TAOK1: variants seen among roughly 807,000 people sequenced by gnomAD.
TAOK1 encodes the protein serine/threonine-protein kinase TAO1.
Under a neutral mutation model 138.3 loss-of-function variants are expected in TAOK1, and 21 were observed. That is an observed-to-expected ratio of 0.15 (90% CI 0.11 to 0.22). The LOEUF (loss-of-function observed/expected upper bound fraction) is 0.22. TAOK1 is among the 10% of genes least tolerant of loss of function. TAOK1 has a pLI of 1.00. For synonymous variants in TAOK1, 361 were observed against 398.4 expected (o/e 0.91, Z 1.12); for missense variants, 651 against 1,227.7 (o/e 0.53, Z 7.02).
chr17:29,428,733 C>G (rs1284692459), intron 1 of TAOK1, among the ~76,000 whole-genome samples: 5 of 151,966 alleles, frequency 3.3e-5, no homozygotes, highest in South Asian at 2.1e-4. Context: ...GGGGGATCCT[C>G]CCACCTCAGC....
chr17:29,419,853 A>G (rs1218690494), intron 1 of TAOK1, among the ~76,000 whole-genome samples: 2 of 152,014 alleles, frequency 1.3e-5, no homozygotes, highest in African/African-American at 4.8e-5. Context: ...CAGTTTCATT[A>G]TGAGTATGTA....
At chr17:29,447,755 C>G (rs1280933935) in intron 1 of TAOK1, among the ~76,000 whole-genome samples, 1 of 151,232 alleles carries the variant, frequency 6.6e-6, no homozygotes, top group Non-Finnish European at 1.5e-5. Flanking sequence ...CTCCTGGGTT[C>G]AAGCGATTCT....
chr17:29,394,161 T>TTTG (rs1567705465), intron 1 of TAOK1, among the ~76,000 whole-genome samples: 3 of 112,674 alleles, frequency 2.7e-5, no homozygotes, highest in Admixed American at 2.7e-4. Context: ...TTTTTTTTTT[T>TTTG]TTTTTTTTTT....
At chr17:29,485,156 C>T (rs969817185) in intron 8 of TAOK1, among the ~76,000 whole-genome samples, 3 of 152,080 alleles carry the variant, frequency 2.0e-5, no homozygotes, top group African/African-American at 7.2e-5. Flanking sequence ...CATAATTTTT[C>T]ATGAGTGGGT....
At chr17:29,536,031 G>A (rs539536105) in intron 19 of TAOK1, among the ~76,000 whole-genome samples, 2 of 152,032 alleles carry the variant, frequency 1.3e-5, no homozygotes, top group Admixed American at 6.5e-5. Context: ...AGTGGCTCAC[G>A]CCTGTAATCC....
Position 29,545,076 on chromosome 17 carries a change from C to T in TAOK1, c.*2054C>T, listed in dbSNP as rs2032380073. Reference sequence around the variant, plus strand: ...AAAACCAAGATCACCATAGAGTTCACACAAAATTTTAGGCAGTGTTTCAAG... The same window carrying T: ...AAAACCAAGATCACCATAGAGTTCATACAAAATTTTAGGCAGTGTTTCAAG... On this transcript the variant is annotated 3_prime_UTR_variant, in exon 20 of 20. Coordinates refer to ENST00000261716, the MANE Select transcript of TAOK1 (RefSeq NM_020791.4). 1 of 152,154 alleles carries T rather than the reference C, an allele frequency of 6.6e-6. No homozygotes were observed. Among genetic ancestry groups the T allele is most frequent in the South Asian group, 2.1e-4 (1 of 4,822 alleles). The allele number at this position is 152,154 out of a possible 1,614,324, so 9.4% of individuals were successfully genotyped here.
At chr17:29,405,656 G>C (rs1040568093) in intron 1 of TAOK1, among the ~76,000 whole-genome samples, 1 of 152,180 alleles carries the variant, frequency 6.6e-6, no homozygotes, top group African/African-American at 2.4e-5. Flanking sequence ...GCTCTCGCCT[G>C]TAATCCCAGC....
At chr17:29,408,686 G>A (rs1232270613) in intron 1 of TAOK1, among the ~76,000 whole-genome samples, 1 of 151,308 alleles carries the variant, frequency 6.6e-6, no homozygotes, top group African/African-American at 2.4e-5. Context: ...TCTTATTCCT[G>A]TGCAGCCGCT....
At chr17:29,420,437 G>A (rs920492270) in intron 1 of TAOK1, among the ~76,000 whole-genome samples, 12 of 151,864 alleles carry the variant, frequency 7.9e-5, no homozygotes. Flanking sequence ...ACACAATTAC[G>A]TTTATTAGTA....
At position 29,524,481 on chromosome 17, in the gene TAOK1, C is replaced by T. The variant is rs140904494; in HGVS notation, c.2148+1962C>T. Among the ~76,000 whole-genome samples, 947 of 152,292 alleles carry T rather than the reference C, an allele frequency of 6.2e-3. 4 individuals are homozygous for T. The highest frequency in any genetic ancestry group is 0.021 in the African/African-American group (883 of 41,546). On this transcript the variant is annotated intron_variant, in intron 17 of 19. Transcript: ENST00000261716. ...CTTATAAACAGTAGTCCGATTCTCT[C>T]AGATAGTACGTTAAAAGTGAGGAGA...
intron 19 of TAOK1, among the ~76,000 whole-genome samples, chr17:29,539,378 T>C (rs887654369): frequency 3.9e-4 from 60 of 152,350 alleles, no homozygotes; most frequent in African/African-American, 1.4e-3. Flanking sequence ...ACCTCCTCTC[T>C]ACCAAAAATA....
At chr17:29,439,010 C>T (rs138804667) in intron 1 of TAOK1, among the ~76,000 whole-genome samples, 58 of 152,156 alleles carry the variant, frequency 3.8e-4, no homozygotes, top group African/African-American at 1.3e-3. Flanking sequence ...GTTACGTAGA[C>T]ACTTTTTTTT....
Position 29,405,983 on chromosome 17 carries a change from A to G in TAOK1, c.-95+14959A>G, listed in dbSNP as rs564776604. 3.3e-4 allele frequency among the ~76,000 whole-genome samples: 51 copies of G among 152,300 alleles called. 1 individual carries two copies. The highest frequency in any genetic ancestry group is 6.8e-3 in the Middle Eastern group (2 of 294). ...TATTTTGTAGATACTGTGCCAGTAT[A>G]CAGAAATCAGTAAGACTTGATCCCT... On this transcript the variant is annotated intron_variant, in intron 1 of 19. Transcript: ENST00000261716.
intron 8 of TAOK1, among the ~76,000 whole-genome samples, chr17:29,484,635 C>T (rs182857703): frequency 3.4e-4 from 51 of 152,036 alleles, no homozygotes; most frequent in African/African-American, 1.2e-3. Context: ...GACAGAGTCT[C>T]GCTCTGTTGT....
intron 2 of TAOK1, among the ~76,000 whole-genome samples, chr17:29,453,774 G>T (rs534279275): frequency 2.0e-5 from 3 of 150,620 alleles, no homozygotes; most frequent in African/African-American, 7.3e-5. Flanking sequence ...TATGGTGTGA[G>T]GTAGAGGTCT....
rs36070425 is a variant in TAOK1, at chr17:29,472,256, G to GTT, written c.205-3401_205-3400dup. ...TCTATGGCAGCTATAGCCGTTGTGT[G>GTT]TTTTTTTTTTTTTTGAGATGGAGTT... On this transcript the variant is annotated intron_variant, in intron 3 of 19. Transcript: ENST00000261716. 5.4e-3 allele frequency among the ~76,000 whole-genome samples: 773 copies of GTT among 142,794 alleles called. 8 individuals are homozygous for GTT. Among genetic ancestry groups the GTT allele is most frequent in the Middle Eastern group, 0.036 (10 of 280 alleles). 93.7% of individuals were successfully genotyped at this position (142,794 alleles called of 152,430 possible).
chr17:29,495,772 G>T (rs572263036), intron 11 of TAOK1, 45 bp downstream of exon 11: 17 of 1,426,368 alleles, frequency 1.2e-5, no homozygotes, highest in Admixed American at 9.3e-5. Flanking sequence ...TTCACTTTTG[G>T]TTTCTTTCCT....
At chr17:29,426,082 G>C (rs532193601) in intron 1 of TAOK1, among the ~76,000 whole-genome samples, 4 of 152,004 alleles carry the variant, frequency 2.6e-5, no homozygotes, top group Non-Finnish European at 4.4e-5. Context: ...GGGTTTCACT[G>C]TGTTAGCCAG....
chr17:29,471,690 G>C (rs2030822823), intron 3 of TAOK1, among the ~76,000 whole-genome samples: 1 of 152,094 alleles, frequency 6.6e-6, no homozygotes, highest in Non-Finnish European at 1.5e-5. Flanking sequence ...GACTGATCAG[G>C]GTAGTGGTTG....
Sources: allele counts gnomAD v4.1 joint callset (sites outside exome capture counted in the v4.1 genomes callset), GRCh38; gene constraint gnomAD v4.1.1; transcripts MANE v1.5; gene names NCBI Gene and HGNC (gene_info 2026-07-23, HGNC 2026-07-21).